The following PTGDR variants were observed in gnomAD, a reference collection of about 807,000 sequenced individuals.
PTGDR encodes prostaglandin D2 receptor, also known as PGD2 receptor.
A neutral mutation model predicts 17.4 loss-of-function variants in PTGDR; 19 were observed. The observed-to-expected ratio is 1.09, with a 90% CI of 0.76 to 1.60. PTGDR has a LOEUF of 1.60. Among genes scored for constraint, PTGDR ranks in the 40% most tolerant of loss-of-function variants. PTGDR has a pLI of 0.00. For missense variants in PTGDR, 526 were observed against 481.9 expected, an observed-to-expected ratio of 1.09 and a Z score of -0.86; for synonymous variants, 267 against 224.2, an observed-to-expected ratio of 1.19 and a Z score of -1.71.
chr14:52,267,726 C>T lies in PTGDR; in HGVS notation c.-89C>T. On this transcript the variant is annotated 5_prime_UTR_variant, in exon 1 of 2. Coordinates refer to ENST00000306051, the MANE Select transcript of PTGDR (RefSeq NM_000953.3). Reference sequence around the variant, plus strand: ...GCGCAGCTTCTCCGCCCGAGCCGCGCGCGGAGCTGCCGGGGGCTCCTTAGC... The same window carrying T: ...GCGCAGCTTCTCCGCCCGAGCCGCGTGCGGAGCTGCCGGGGGCTCCTTAGC... The T allele has an allele frequency of 1.4e-6, 2 of 1,442,592 alleles. No homozygotes were observed. The highest frequency in any genetic ancestry group is 2.8e-5 in the Admixed American group (1 of 35,418). 89.4% of individuals were successfully genotyped at this position (1,442,592 alleles called of 1,614,324 possible). A position where few individuals can be genotyped will look rare whatever the true frequency, so the allele number is the denominator to read the frequency against.
At chr14:52,278,328 G>A (rs2033453450), downstream of PTGDR, among the ~76,000 whole-genome samples, 1 of 152,188 alleles carries the variant, frequency 6.6e-6, no homozygotes, top group South Asian at 2.1e-4. Context: ...GGACATGGAT[G>A]AAACTGGAAA....
Position 52,268,122 on chromosome 14 carries a change from C to T in PTGDR, c.308C>T (p.Ser103Leu). 6.2e-7 allele frequency: 1 copy of T among 1,614,134 alleles called. No individual in the cohort carries two copies. Among genetic ancestry groups the T allele is most frequent in the Non-Finnish European group, 8.5e-7 (1 of 1,180,048 alleles). Residue 103 changes from serine to leucine, a missense_variant, in exon 1 of 2, where the codon TCG becomes TTG. Transcript: ENST00000306051. ...LRVLAPALDN[S>L]LCQAFAFFMS... ...GTGCTTGCGCCCGCATTGGACAACT[C>T]GTTGTGCCAAGCCTTCGCCTTCTTC... is the stretch of plus-strand genomic sequence containing the variant.
intron 1 of PTGDR, among the ~76,000 whole-genome samples, chr14:52,270,332 G>A (rs2033300669): frequency 6.6e-6 from 1 of 152,150 alleles, no homozygotes; most frequent in Non-Finnish European, 1.5e-5. Context: ...CAGATCATGA[G>A]GTCAAGAGAT....
intron 1 of PTGDR, 152 bp from the exon 2 acceptor site, chr14:52,274,579 A>AGCT (rs1382893115): frequency 3.0e-6 from 2 of 659,338 alleles, no homozygotes; most frequent in African/African-American, 3.6e-5. Context: ...TGCACCCATC[A>AGCT]GCTGCTGTGG....
rs2033397532 is a variant in PTGDR, at chr14:52,275,014, CAA to C, written c.*52_*53del. The C allele has an allele frequency of 7.8e-7, 1 of 1,287,916 alleles. No individual in the cohort carries two copies. The highest frequency in any genetic ancestry group is 1.5e-5 in the African/African-American group (1 of 65,916). The allele number at this position is 1,287,916 out of a possible 1,614,324, so 79.8% of individuals were successfully genotyped here. ...CTGAGGAATATGTCACATTTTCAGTCAAAGAACCATGATTAAAAAAAAAAAGA... is the reference window on the plus strand; with the variant it reads ...CTGAGGAATATGTCACATTTTCAGTCAGAACCATGATTAAAAAAAAAAAGA... On this transcript the variant is annotated 3_prime_UTR_variant, in exon 2 of 2. Coordinates refer to ENST00000306051, the MANE Select transcript of PTGDR (RefSeq NM_000953.3).
chr14:52,268,748 C>T (rs1398681881), intron 1 of PTGDR, 88 bp downstream of exon 1: 34 of 1,396,548 alleles, frequency 2.4e-5, no homozygotes, highest in Middle Eastern at 2.4e-4. Context: ...TCGGGATGGA[C>T]GCGGCGCCAG....
chr14:52,268,408 G>A lies in PTGDR; in HGVS notation c.594G>A (p.Gly198=), dbSNP rs1433482044. The part of the protein sequence containing the change: ...VHEEGSLSVL[G]YSVLYSSLMA... ...AGGAGGGCTCGCTGTCGGTGCTGGGGTACTCTGTGCTCTACTCCAGCCTCA... is the reference window on the plus strand; with the variant it reads ...AGGAGGGCTCGCTGTCGGTGCTGGGATACTCTGTGCTCTACTCCAGCCTCA... Residue 198 remains glycine, a synonymous_variant, in exon 1 of 2, where the codon GGG becomes GGA. Coordinates refer to ENST00000306051, the MANE Select transcript of PTGDR (RefSeq NM_000953.3). The A allele has an allele frequency of 1.2e-6, 2 of 1,611,100 alleles. No homozygotes were observed. Among genetic ancestry groups the A allele is most frequent in the East Asian group, 2.2e-5 (1 of 44,888 alleles).
downstream of PTGDR, chr14:52,276,812 C>A (rs1261353205): frequency 6.6e-6 from 1 of 151,372 alleles, no homozygotes; most frequent in Non-Finnish European, 1.5e-5. Flanking sequence ...ATTTCATTGT[C>A]TGGCAGTTTC....
intron 1 of PTGDR, 72 bp downstream of exon 1, chr14:52,268,732 A>G (rs2033268223): frequency 6.8e-7 from 1 of 1,471,724 alleles, no homozygotes; most frequent in Admixed American, 2.2e-5. Context: ...GGAAGGGTGG[A>G]GCGGATCGGG....
At chr14:52,271,867 C>A (rs1254608) in intron 1 of PTGDR, among the ~76,000 whole-genome samples, 22,777 of 152,254 alleles carry the variant, frequency 0.15, 2,029 homozygotes, top group Non-Finnish European at 0.21. Flanking sequence ...ATTTTACACT[C>A]TTCTAAGTAA....
chr14:52,268,483 C>A lies in PTGDR; in HGVS notation c.669C>A (p.Arg223=), dbSNP rs1269403218. 1.9e-5 allele frequency: 30 copies of A among 1,610,484 alleles called. No homozygotes were observed. The highest frequency in any genetic ancestry group is 2.0e-5 in the Non-Finnish European group (24 of 1,179,988). The change falls in exon 1 of 2, where the codon CGC becomes CGA. Residue 223 remains arginine, a synonymous_variant. Transcript: ENST00000306051. ...TGCTGTGCAACCTCGGCGCCATGCGCAACCTCTATGCGATGCACCGGCGGC... is the reference window on the plus strand; with the variant it reads ...TGCTGTGCAACCTCGGCGCCATGCGAAACCTCTATGCGATGCACCGGCGGC... ...ATVLCNLGAM[R]NLYAMHRRLQ...
At chr14:52,271,942 A>G (rs954990978) in intron 1 of PTGDR, among the ~76,000 whole-genome samples, 3 of 152,260 alleles carry the variant, frequency 2.0e-5, no homozygotes, top group African/African-American at 7.2e-5. Flanking sequence ...TATATGGTTA[A>G]GTTGACTTAA....
intron 1 of PTGDR, among the ~76,000 whole-genome samples, chr14:52,272,235 A>C (rs1481923168): frequency 3.9e-5 from 6 of 152,140 alleles, no homozygotes; most frequent in African/African-American, 9.7e-5. Flanking sequence ...TGGGAGGCCA[A>C]ATCAGGAGGA....
chr14:52,269,656 C>G, intron 1 of PTGDR: 1 of 870,976 alleles, frequency 1.1e-6, no homozygotes, highest in Non-Finnish European at 1.7e-6. Flanking sequence ...AGAATGTAGC[C>G]ATTTTGGATA....
chr14:52,268,501 C>T lies in PTGDR; in HGVS notation c.687C>T (p.His229=), dbSNP rs1193530151. The change falls in exon 1 of 2, where the codon CAC becomes CAT. Residue 229 remains histidine (H), a synonymous_variant. Coordinates refer to ENST00000306051, the MANE Select transcript of PTGDR (RefSeq NM_000953.3). ...CCATGCGCAACCTCTATGCGATGCA[C>T]CGGCGGCTGCAGCGGCACCCGCGCT... ...LGAMRNLYAM[H]RRLQRHPRSC... 2 of 1,610,862 alleles carry T rather than the reference C, an allele frequency of 1.2e-6. No homozygotes were observed. The highest frequency in any genetic ancestry group is 2.7e-5 in the African/African-American group (2 of 74,938).
chr14:52,268,777 C>A, intron 1 of PTGDR, 117 bp downstream of exon 1: 1 of 1,169,860 alleles, frequency 8.5e-7, no homozygotes, highest in Non-Finnish European at 1.2e-6. Context: ...CGCCCTGGGC[C>A]AGGAAGGTTT....
chr14:52,273,692 G>T (rs1362872035), intron 1 of PTGDR, among the ~76,000 whole-genome samples: 2 of 152,174 alleles, frequency 1.3e-5, no homozygotes, highest in African/African-American at 4.8e-5. Context: ...TGGGAAAAAT[G>T]CATCTTCTCC....
At chr14:52,269,258 G>A (rs142280770) in intron 1 of PTGDR, among the ~76,000 whole-genome samples, 269 of 152,318 alleles carry the variant, frequency 1.8e-3, no homozygotes, top group African/African-American at 6.1e-3. Flanking sequence ...TTCTGGTGCT[G>A]CATCCGCCAG....
Position 52,275,770 on chromosome 14 carries a change from G to T in PTGDR, c.*806G>T, listed in dbSNP as rs201265178. ...TTTTTAGAACCTCCATTTTATAAAA[G>T]AATTATCCTATCAATGGATTCTTTA... On this transcript the variant is annotated 3_prime_UTR_variant, in exon 2 of 2. Transcript: ENST00000306051. The T allele has an allele frequency of 6.6e-6, 1 of 152,612 alleles. No individual in the cohort carries two copies. The highest frequency in any genetic ancestry group is 2.4e-5 in the African/African-American group (1 of 41,436). 9.5% of individuals were successfully genotyped at this position (152,612 alleles called of 1,614,324 possible). A position where few individuals can be genotyped will look rare whatever the true frequency, so the allele number is the denominator to read the frequency against.
Sources: gnomAD v4.1 joint callset for allele counts (sites outside exome capture counted in the v4.1 genomes callset) on GRCh38, gnomAD v4.1.1 for gene constraint, MANE v1.5 for transcripts, NCBI Gene and HGNC (gene_info 2026-07-23, HGNC 2026-07-21) for gene names.